Variants in DPF3 observed in about 807,000 individuals in gnomAD.
DPF3 encodes the protein zinc finger protein DPF3.
Under a neutral mutation model 56.8 loss-of-function variants are expected in DPF3, and 18 were observed. The observed-to-expected ratio is 0.32, with a 90% confidence interval of 0.22 to 0.47. DPF3 has a LOEUF of 0.47. Ranked by LOEUF, DPF3 falls within the 20% of genes least tolerant of loss-of-function variation. The pLI, the probability that DPF3 is intolerant of heterozygous loss-of-function variation, is 1.00. For synonymous variants in DPF3, 188 were observed against 180.2 expected (o/e 1.04, Z -0.35); for missense variants, 403 against 488.8 (o/e 0.82, Z 1.65).
chr14:72,851,622 C>CT (rs1169697553), intron 1 of DPF3, among the ~76,000 whole-genome samples: 2 of 152,034 alleles, frequency 1.3e-5, no homozygotes, highest in Non-Finnish European at 2.9e-5. Flanking sequence ...ACGGATAAAG[C>CT]TTTTTTTTAA....
chr14:72,748,720 G>A (rs8004210), intron 3 of DPF3, among the ~76,000 whole-genome samples: 97,224 of 151,986 alleles, frequency 0.64, 31,209 homozygotes, highest in Middle Eastern at 0.76. Context: ...TGTCCCAGCT[G>A]CTCCAGCTGT....
chr14:72,798,437 C>CATGT (rs1445249194), intron 1 of DPF3, among the ~76,000 whole-genome samples: 2 of 152,074 alleles, frequency 1.3e-5, no homozygotes, highest in Non-Finnish European at 2.9e-5. Context: ...TACATACATA[C>CATGT]ATGTATGAAA....
intron 1 of DPF3, chr14:72,879,671 G>A (rs1886251888): frequency 8.7e-7 from 1 of 1,154,728 alleles, no homozygotes; most frequent in East Asian, 2.7e-5. Flanking sequence ...GAAACCGCCT[G>A]CCCAGAGGAG....
At chr14:72,629,841 G>C in intron 8 of DPF3, 105 bp from the exon 9 acceptor site, 1 of 962,986 alleles carries the variant, frequency 1.0e-6, no homozygotes, top group Non-Finnish European at 1.6e-6. Flanking sequence ...GGCAGGGCAG[G>C]GTAGCATGAC....
chr14:72,741,874 C>A (rs998381962), intron 3 of DPF3, among the ~76,000 whole-genome samples: 6 of 152,234 alleles, frequency 3.9e-5, no homozygotes, highest in Non-Finnish European at 7.3e-5. Context: ...GGTCCCACTG[C>A]AAAACATGAC....
chr14:72,704,051 C>T (rs1473485429), intron 6 of DPF3, among the ~76,000 whole-genome samples: 1 of 152,208 alleles, frequency 6.6e-6, no homozygotes, highest in African/African-American at 2.4e-5. Flanking sequence ...TTGTCCTCAC[C>T]TAACAGACCA....
chr14:72,892,534 T>A, intron 1 of DPF3: 1 of 1,390,056 alleles, frequency 7.2e-7, no homozygotes, highest in Non-Finnish European at 9.3e-7. Context: ...GGCGACGAGC[T>A]GGCGCAAACA....
intron 5 of DPF3, among the ~76,000 whole-genome samples, chr14:72,720,647 G>C (rs933899228): frequency 6.6e-6 from 1 of 152,082 alleles, no homozygotes; most frequent in African/African-American, 2.4e-5. Flanking sequence ...TCATTCATTC[G>C]ACAAGCTAAT....
At chr14:72,756,184 C>T (rs1424952952) in intron 2 of DPF3, among the ~76,000 whole-genome samples, 3 of 152,174 alleles carry the variant, frequency 2.0e-5, no homozygotes, top group Non-Finnish European at 4.4e-5. Flanking sequence ...GCCACTGCCA[C>T]CCCTCACTTC....
intron 1 of DPF3, among the ~76,000 whole-genome samples, chr14:72,794,550 T>C (rs903915072): frequency 6.6e-6 from 1 of 152,036 alleles, no homozygotes; most frequent in Non-Finnish European, 1.5e-5. Flanking sequence ...CAGAAACCTA[T>C]CTCACAGCAC....
chr14:72,645,137 G>C (rs1885681206), intron 8 of DPF3, among the ~76,000 whole-genome samples: 1 of 152,136 alleles, frequency 6.6e-6, no homozygotes, highest in South Asian at 2.1e-4. Context: ...CAGGTCACTG[G>C]TCAGATATAT....
intron 2 of DPF3, among the ~76,000 whole-genome samples, chr14:72,756,904 A>AAAAAAGAAAGAAAG (rs1274211651): frequency 1.5e-5 from 2 of 130,566 alleles, no homozygotes; most frequent in African/African-American, 6.9e-5. Context: ...AAAGAAAAGA[A>AAAAAAGAAAGAAAG]AAAAAGAAAG....
chr14:72,852,086 G>A lies in DPF3; in HGVS notation c.32+41971C>T, dbSNP rs576245271. On this transcript the variant is annotated intron_variant, in intron 1 of 10. Transcript: ENST00000556509. Reference sequence around the variant, plus strand: ...AGGCAGGAAGTTGAAGAGGAGAGGAGAAAGTGGAGCACCGGGCTTTCAGCC... The same window carrying A: ...AGGCAGGAAGTTGAAGAGGAGAGGAAAAAGTGGAGCACCGGGCTTTCAGCC... Among the ~76,000 whole-genome samples the A allele has an allele frequency of 1.9e-4, 29 of 152,378 alleles. No homozygotes were observed. The South Asian group carries it at 3.9e-3, about 21-fold the overall frequency.
Position 72,609,872 on chromosome 14 carries a change from C to G in DPF3, c.*9425G>C, listed in dbSNP as rs1383591360. Among the ~76,000 whole-genome samples the G allele has an allele frequency of 2.0e-5, 3 of 152,222 alleles. No individual in the cohort carries two copies. The highest frequency in any genetic ancestry group is 4.4e-5 in the Non-Finnish European group (3 of 68,040). On this transcript the variant is annotated 3_prime_UTR_variant, in exon 11 of 11. Transcript: ENST00000556509. Reference sequence around the variant, plus strand: ...CATGAAAGCTGTGTCAGACTCAGTCCTGGTCTGAAGTACCAAAGCAGCCCA... The same window carrying G: ...CATGAAAGCTGTGTCAGACTCAGTCGTGGTCTGAAGTACCAAAGCAGCCCA...
intron 1 of DPF3, among the ~76,000 whole-genome samples, chr14:72,866,865 T>C (rs552424397): frequency 6.7e-6 from 1 of 149,258 alleles, no homozygotes; most frequent in African/African-American, 2.4e-5. Context: ...CGACTCGTGA[T>C]CCACCCGACT....
At chr14:72,856,803 C>T (rs1281512939) in intron 1 of DPF3, among the ~76,000 whole-genome samples, 1 of 152,172 alleles carries the variant, frequency 6.6e-6, no homozygotes, top group African/African-American at 2.4e-5. Context: ...GGCTATATAG[C>T]TCTGTGCGGA....
intron 1 of DPF3, among the ~76,000 whole-genome samples, chr14:72,863,422 G>T (rs780008350): frequency 1.3e-4 from 19 of 151,752 alleles, no homozygotes; most frequent in Non-Finnish European, 2.4e-4. Context: ...AAAGGGAAGA[G>T]AAATTAGCAC....
At chr14:72,787,318 A>G (rs1459805915) in intron 1 of DPF3, among the ~76,000 whole-genome samples, 1 of 152,244 alleles carries the variant, frequency 6.6e-6, no homozygotes, top group Non-Finnish European at 1.5e-5. Context: ...GTGGGAATCA[A>G]GAGACCTGGA....
Position 72,723,694 on chromosome 14 carries a change from C to G in DPF3, c.464G>C (p.Gly155Ala). 1 of 1,587,414 alleles carries G rather than the reference C, an allele frequency of 6.3e-7. No individual in the cohort carries two copies. The highest frequency in any genetic ancestry group is 8.5e-7 in the Non-Finnish European group (1 of 1,171,556). The change falls in exon 5 of 11, where the codon GGG (glycine) becomes GCG (alanine). Residue 155 changes from glycine to alanine, a missense_variant. Coordinates refer to ENST00000556509, the MANE Select transcript of DPF3 (RefSeq NM_001280542.3). ...CTCTTCCAAATCCTCTTCTTCATTC[C>G]CTTCTTCTACATTTTCATCATTTTC... ...VLENDENVEEGNEEEDLEEDI... is the reference protein window; with the variant it reads ...VLENDENVEEANEEEDLEEDI...
Sources: gnomAD v4.1 joint callset for allele counts (sites outside exome capture counted in the v4.1 genomes callset) on GRCh38, gnomAD v4.1.1 for gene constraint, MANE v1.5 for transcripts, NCBI Gene and HGNC (gene_info 2026-07-23, HGNC 2026-07-21) for gene names.